Variants in SLC6A3 observed in about 807,000 individuals in gnomAD.
SLC6A3 encodes the protein sodium-dependent dopamine transporter.
A neutral mutation model predicts 70.4 loss-of-function variants in SLC6A3; 19 were observed. The ratio of observed to expected loss-of-function variants is 0.27; its 90% CI spans 0.19 to 0.40. SLC6A3 has a LOEUF of 0.40. Among genes scored for constraint, SLC6A3 ranks in the 10% least tolerant of loss-of-function variants. The pLI is 1.00. For missense variants in SLC6A3, 613 were observed against 838.5 expected, an observed-to-expected ratio of 0.73 and a Z score of 3.32; for synonymous variants, 368 against 356.6, an observed-to-expected ratio of 1.03 and a Z score of -0.36.
At chr5:1,417,239 A>G (rs37021) in intron 6 of SLC6A3, among the ~76,000 whole-genome samples, 81,580 of 151,464 alleles carry the variant, frequency 0.54, 22,622 homozygotes, top group South Asian at 0.68. Flanking sequence ...TGATGGCGGC[A>G]CCCTGATAAC....
chr5:1,443,336 A>G lies in SLC6A3; in HGVS notation c.-45-94T>C, dbSNP rs944723111. 15 of 997,578 alleles carry G rather than the reference A, an allele frequency of 1.5e-5. No homozygotes were observed. In the Admixed American group the frequency reaches 2.7e-4, roughly 18 times the overall value. The allele number at this position is 997,578 out of a possible 1,614,324, so 61.8% of individuals were successfully genotyped here. ...ACCTGGTGCGGAGGGCAGAGCCCCGAGGCATTCACGGGCATTCCTCTGGGA... is the reference window on the plus strand; with the variant it reads ...ACCTGGTGCGGAGGGCAGAGCCCCGGGGCATTCACGGGCATTCCTCTGGGA... On this transcript the variant is annotated intron_variant, in intron 1 of 14. Transcript: ENST00000270349.
At chr5:1,416,366 G>C (rs548343279) in intron 6 of SLC6A3, 165 bp from the exon 7 acceptor site, 1 of 678,710 alleles carries the variant, frequency 1.5e-6, no homozygotes, top group African/African-American at 1.8e-5. Flanking sequence ...GCAGCCTCAG[G>C]AAGTGAACCC....
At chr5:1,422,664 C>T (rs1349651615) in intron 4 of SLC6A3, among the ~76,000 whole-genome samples, 1 of 56,172 alleles carries the variant, frequency 1.8e-5, no homozygotes, top group African/African-American at 9.5e-5. Context: ...GGGTACCCAC[C>T]GCTGCCCAGT....
At chr5:1,399,592 T>C (rs550895637) in intron 14 of SLC6A3, among the ~76,000 whole-genome samples, 1 of 152,186 alleles carries the variant, frequency 6.6e-6, no homozygotes, top group Non-Finnish European at 1.5e-5. Flanking sequence ...TATAGGACTC[T>C]CAGAGGAGAG....
In SLC6A3 at chr5:1,406,042, A is replaced by T; in HGVS notation, c.1599+146T>A. On this transcript the variant is annotated intron_variant, in intron 12 of 14. Coordinates refer to ENST00000270349, the MANE Select transcript of SLC6A3 (RefSeq NM_001044.5). The surrounding 1 kb of genome is among the most constrained non-coding windows in gnomAD (Gnocchi z 8.8). The stretch of plus-strand genomic sequence containing the variant: ...AAGGAGACTATAGATGAGTTCAGGG[A>T]TCAGCCTGTCCTTCTGGGCCGAGTC... 2.8e-6 allele frequency: 2 copies of T among 707,174 alleles called. No homozygotes were observed. Among genetic ancestry groups the T allele is most frequent in the Non-Finnish European group, 5.2e-6 (2 of 385,122 alleles). The allele number at this position is 707,174 out of a possible 1,614,324, so 43.8% of individuals were successfully genotyped here.
At chr5:1,422,610 ATG>A (rs1446086773) in intron 4 of SLC6A3, among the ~76,000 whole-genome samples, 2 of 96,972 alleles carry the variant, frequency 2.1e-5, no homozygotes, top group African/African-American at 4.3e-5. Flanking sequence ...AGTGCTGCCC[ATG>A]GTGCTGGGTG....
At position 1,442,211 on chromosome 5, in the gene SLC6A3, T is replaced by G. The variant is rs1355348662; in HGVS notation, c.286+701A>C. Among the ~76,000 whole-genome samples the G allele has an allele frequency of 6.6e-6, 1 of 152,200 alleles. No individual in the cohort carries two copies. Among genetic ancestry groups the G allele is most frequent in the Non-Finnish European group, 1.5e-5 (1 of 68,046 alleles). ...CTGTCTTTGGGCAACTTCCTGTACCTGCTGAGGCCTCTGTCTTCCCCTCTT... is the reference window on the plus strand; with the variant it reads ...CTGTCTTTGGGCAACTTCCTGTACCGGCTGAGGCCTCTGTCTTCCCCTCTT... On this transcript the variant is annotated intron_variant, in intron 2 of 14. Transcript: ENST00000270349. The surrounding 1 kb of genome is among the most constrained non-coding windows in gnomAD (Gnocchi z 5.0).
intron 4 of SLC6A3, among the ~76,000 whole-genome samples, chr5:1,431,154 C>T (rs955168264): frequency 6.6e-6 from 1 of 152,186 alleles, no homozygotes; most frequent in African/African-American, 2.4e-5. Context: ...GCCCGGCTGG[C>T]GAGGGCAGGA....
Position 1,406,871 on chromosome 5 carries a change from C to T in SLC6A3, c.1499-583G>A, listed in dbSNP as rs997110987. Reference sequence around the variant, plus strand: ...TCAATGAATGTGACTCCTGTGGGAACCTCCCGTCAGTGGAGTCACGTGGCA... The same window carrying T: ...TCAATGAATGTGACTCCTGTGGGAATCTCCCGTCAGTGGAGTCACGTGGCA... On this transcript the variant is annotated intron_variant, in intron 11 of 14. Transcript: ENST00000270349. The surrounding 1 kb of genome is among the most constrained non-coding windows in gnomAD (Gnocchi z 8.8). Among the ~76,000 whole-genome samples, 3 of 152,134 alleles carry T rather than the reference C, an allele frequency of 2.0e-5. No homozygotes were observed. Among genetic ancestry groups the T allele is most frequent in the Non-Finnish European group, 4.4e-5 (3 of 68,034 alleles).
chr5:1,441,425 G>T lies in SLC6A3; in HGVS notation c.352C>A (p.Leu118Met). Residue 118 changes from leucine (L) to methionine (M), a missense_variant, in exon 3 of 15, where the codon CTG becomes ATG. Coordinates refer to ENST00000270349, the MANE Select transcript of SLC6A3 (RefSeq NM_001044.5). ...IAGMPLFYME[L>M]ALGQFNREGA... ...TCCCTGTTGAACTGGCCGAGGGCCA[G>T]CTCCATGTAGAAAAGTGGCATCCCA... 6.2e-7 allele frequency: 1 copy of T among 1,614,216 alleles called. No individual in the cohort carries two copies. Among genetic ancestry groups the T allele is most frequent in the Non-Finnish European group, 8.5e-7 (1 of 1,180,028 alleles).
chr5:1,415,466 C>T (rs1756267523), intron 7 of SLC6A3, among the ~76,000 whole-genome samples: 1 of 152,178 alleles, frequency 6.6e-6, no homozygotes, highest in Non-Finnish European at 1.5e-5. Flanking sequence ...CCTTCCAGCG[C>T]CCACTCTCAG....
In SLC6A3 at chr5:1,397,473, A is replaced by C. The variant is rs537739577; in HGVS notation, c.1840-2715T>G. 2.4e-4 allele frequency among the ~76,000 whole-genome samples: 36 copies of C among 152,302 alleles called. No individual in the cohort carries two copies. The highest frequency in any genetic ancestry group is 5.9e-5 in the Non-Finnish European group (4 of 68,034). ...AAACAAACAAACAAAAAAGAAACCC[A>C]GGTCCCGACACTCCGCAGTGAACCC... On this transcript the variant is annotated intron_variant, in intron 14 of 14. Transcript: ENST00000270349. This position sits in a 1 kb window ranked among gnomAD's most constrained non-coding sequence, Gnocchi z 4.7.
intron 8 of SLC6A3, among the ~76,000 whole-genome samples, chr5:1,412,226 G>T (rs1290638851): frequency 2.6e-5 from 4 of 152,254 alleles, no homozygotes; most frequent in Non-Finnish European, 5.9e-5. Flanking sequence ...GCGGGTCCCT[G>T]CGAGTGAAGC....
chr5:1,409,180 C>T, intron 10 of SLC6A3, 55 bp from the exon 11 acceptor site: 1 of 1,271,250 alleles, frequency 7.9e-7, no homozygotes, highest in Non-Finnish European at 1.1e-6. Flanking sequence ...AGAGGTAAAC[C>T]CAGCCTGGGG....
At chr5:1,407,161 T>C (rs923779805) in intron 11 of SLC6A3, among the ~76,000 whole-genome samples, 1 of 152,224 alleles carries the variant, frequency 6.6e-6, no homozygotes, top group Non-Finnish European at 1.5e-5. Flanking sequence ...CCCTAAGACC[T>C]TAAGAGTGGT....
At chr5:1,427,233 G>GA (rs1165268919) in intron 4 of SLC6A3, among the ~76,000 whole-genome samples, 12 of 152,326 alleles carry the variant, frequency 7.9e-5, no homozygotes, top group African/African-American at 2.4e-4. Flanking sequence ...ACATATTGTA[G>GA]AAAAAATCTA....
rs1351513535 is a variant in SLC6A3, at chr5:1,393,743, C to T, written c.*992G>A. The stretch of plus-strand genomic sequence containing the variant: ...GTCCGGTCCGGGGATAGGACACGCT[C>T]CTGTGGGGGCCCTGCATGCGTCCTG... On this transcript the variant is annotated 3_prime_UTR_variant, in exon 15 of 15. Transcript: ENST00000270349. 2.2e-5 allele frequency: 3 copies of T among 138,846 alleles called. No individual in the cohort carries two copies. The allele number at this position is 138,846 out of a possible 1,614,324, so 8.6% of individuals were successfully genotyped here.
Position 1,404,934 on chromosome 5 carries a change from C to T in SLC6A3, c.1599+1254G>A, listed in dbSNP as rs1269568644. Among the ~76,000 whole-genome samples, 1 of 152,206 alleles carries T rather than the reference C, an allele frequency of 6.6e-6. No individual in the cohort carries two copies. Among genetic ancestry groups the T allele is most frequent in the African/African-American group, 2.4e-5 (1 of 41,454 alleles). On this transcript the variant is annotated intron_variant, in intron 12 of 14. Transcript: ENST00000270349. This position sits in a 1 kb window ranked among gnomAD's most constrained non-coding sequence, Gnocchi z 5.2. ...CAGCCCTCTGGGTGTTAAGAGGAGACACCCCCTCAAGGGGAGCCAACGTCC... is the reference window on the plus strand; with the variant it reads ...CAGCCCTCTGGGTGTTAAGAGGAGATACCCCCTCAAGGGGAGCCAACGTCC...
rs995876110 is a variant in SLC6A3, at chr5:1,421,343, A to G, written c.792+533T>C. Among the ~76,000 whole-genome samples, 5 of 151,894 alleles carry G rather than the reference A, an allele frequency of 3.3e-5. No individual in the cohort carries two copies. The highest frequency in any genetic ancestry group is 9.7e-5 in the African/African-American group (4 of 41,326). ...TAGGCACGTGCCACCGTGCCTGGCT[A>G]ATTTCGTATTTTTAGTAGAGATGGG... On this transcript the variant is annotated intron_variant, in intron 5 of 14. Transcript: ENST00000270349. The surrounding 1 kb of genome is among the most constrained non-coding windows in gnomAD (Gnocchi z 7.2).
Sources: gnomAD v4.1 joint callset for allele counts (sites outside exome capture counted in the v4.1 genomes callset) on GRCh38, gnomAD v4.1.1 for gene constraint, Gnocchi (gnomAD v3.1) non-coding constraint, MANE v1.5 for transcripts, NCBI Gene and HGNC (gene_info 2026-07-23, HGNC 2026-07-21) for gene names.